The following NEGR1 variants were observed in gnomAD, a reference collection of about 807,000 sequenced individuals.
The protein encoded by NEGR1 is IgLON family member 4.
In NEGR1, 10 loss-of-function variants were observed where a neutral mutation model predicts 40.9. That is an observed-to-expected ratio of 0.24 (90% CI 0.15 to 0.42). The LOEUF (loss-of-function observed/expected upper bound fraction) is 0.42, where lower values mean the gene tolerates loss of function less well. Among genes scored for constraint, NEGR1 ranks in the 10% least tolerant of loss-of-function variants. The pLI, the probability that NEGR1 is intolerant of heterozygous loss-of-function variation, is 1.00. For synonymous variants in NEGR1, 185 were observed against 166.8 expected, an observed-to-expected ratio of 1.11 and a Z score of -0.84; for missense variants, 352 against 438.9, an observed-to-expected ratio of 0.80 and a Z score of 1.77.
intron 6 of NEGR1, among the ~76,000 whole-genome samples, chr1:71,549,173 C>G (rs537465769): frequency 2.6e-5 from 4 of 151,812 alleles, no homozygotes. Context: ...TTTGTCTAAC[C>G]TAGGCCTACA....
chr1:71,459,469 T>G (rs2101341303), intron 6 of NEGR1, among the ~76,000 whole-genome samples: 1 of 152,366 alleles, frequency 6.6e-6, no homozygotes, highest in Middle Eastern at 3.4e-3. Context: ...GCCCATCAAC[T>G]TGGGCTGGCA....
chr1:72,053,530 T>C (rs1647081922), intron 1 of NEGR1, among the ~76,000 whole-genome samples: 1 of 151,174 alleles, frequency 6.6e-6, no homozygotes. Flanking sequence ...AAATGACCTT[T>C]TATTTTTTTC....
intron 4 of NEGR1, among the ~76,000 whole-genome samples, chr1:71,644,428 T>C (rs1651464649): frequency 1.3e-5 from 2 of 152,004 alleles, no homozygotes; most frequent in South Asian, 2.1e-4. Context: ...TTTATTGTTT[T>C]CTAATATATC....
At chr1:72,250,836 A>C (rs552101151) in intron 1 of NEGR1, among the ~76,000 whole-genome samples, 1 of 152,332 alleles carries the variant, frequency 6.6e-6, no homozygotes, top group South Asian at 2.1e-4. Flanking sequence ...AGCAATCCGC[A>C]ATAGGGCTGT....
intron 1 of NEGR1, among the ~76,000 whole-genome samples, chr1:72,183,276 G>A (rs1207316895): frequency 2.0e-5 from 3 of 152,022 alleles, no homozygotes; most frequent in African/African-American, 7.2e-5. Flanking sequence ...ACTTTCCCAG[G>A]CTTCTTTAAG....
chr1:72,068,928 T>A (rs1647350690), intron 1 of NEGR1, among the ~76,000 whole-genome samples: 1 of 151,972 alleles, frequency 6.6e-6, no homozygotes, highest in African/African-American at 2.4e-5. Context: ...GAAGAAAAAA[T>A]TAAGGATATA....
intron 6 of NEGR1, among the ~76,000 whole-genome samples, chr1:71,478,507 T>C (rs533324372): frequency 6.6e-6 from 1 of 152,168 alleles, no homozygotes; most frequent in Admixed American, 6.6e-5. Flanking sequence ...TGGCCGTCTC[T>C]TTCTCCATTG....
chr1:72,003,569 T>C (rs1646576622), intron 1 of NEGR1, among the ~76,000 whole-genome samples: 1 of 152,058 alleles, frequency 6.6e-6, no homozygotes, highest in Non-Finnish European at 1.5e-5. Flanking sequence ...AAAAAAGCTC[T>C]AAATGGAGGA....
At chr1:71,740,978 G>T (rs1655195060) in intron 3 of NEGR1, among the ~76,000 whole-genome samples, 1 of 152,206 alleles carries the variant, frequency 6.6e-6, no homozygotes, top group African/African-American at 2.4e-5. Flanking sequence ...GCGACACCCT[G>T]CAGAGGTTGG....
chr1:72,088,467 C>T (rs546698701), intron 1 of NEGR1, among the ~76,000 whole-genome samples: 9 of 152,120 alleles, frequency 5.9e-5, no homozygotes, highest in Admixed American at 1.3e-4. Flanking sequence ...AAATAAAGAG[C>T]CTTATTCACC....
chr1:71,430,368 G>T (rs1430113093), intron 6 of NEGR1, among the ~76,000 whole-genome samples: 1 of 152,000 alleles, frequency 6.6e-6, no homozygotes, highest in African/African-American at 2.4e-5. Context: ...GCAATTCTCT[G>T]CTCTTTTGCT....
At chr1:71,468,039 A>G (rs1646758143) in intron 6 of NEGR1, among the ~76,000 whole-genome samples, 1 of 152,018 alleles carries the variant, frequency 6.6e-6, no homozygotes, top group South Asian at 2.1e-4. Flanking sequence ...GAGGCAGATA[A>G]AAGTAGATTC....
rs1650057028 is a variant in NEGR1 at position 71,605,789 on chromosome 1, T to C, written c.788+5237A>G. Among the ~76,000 whole-genome samples, 4 of 152,334 alleles carry C rather than the reference T, an allele frequency of 2.6e-5. No homozygotes were observed. The South Asian group carries it at 8.3e-4, about 32-fold the overall frequency. On this transcript the variant is annotated intron_variant, in intron 5 of 6. Coordinates refer to ENST00000357731, the MANE Select transcript of NEGR1 (RefSeq NM_173808.3). ...AGTAAAATTAAGCCCATTGATACTC[T>C]TCATTCCAGGTGTGCTGAAAGAAAC...
At chr1:71,759,473 A>AT (rs1201323519) in intron 3 of NEGR1, among the ~76,000 whole-genome samples, 1 of 147,216 alleles carries the variant, frequency 6.8e-6, no homozygotes, top group East Asian at 2.0e-4. Flanking sequence ...AACTTTTTGT[A>AT]TTTTTAGTAG....
At chr1:71,937,290 T>A (rs1645914805) in intron 1 of NEGR1, among the ~76,000 whole-genome samples, 1 of 152,196 alleles carries the variant, frequency 6.6e-6, no homozygotes, top group South Asian at 2.1e-4. Context: ...CATATTGTCA[T>A]TCTTAACAAT....
In NEGR1 at chr1:71,526,657, C is replaced by A. The variant is rs1238487470; in HGVS notation, c.940+66160G>T. Among the ~76,000 whole-genome samples, 3 of 151,492 alleles carry A rather than the reference C, an allele frequency of 2.0e-5. No individual in the cohort carries two copies. The South Asian group carries it at 6.2e-4, about 31-fold the overall frequency. ...AATTCTTGAATTAGTTCCATTCTCT[C>A]CTTCCTACTATCACTATCACATATG... On this transcript the variant is annotated intron_variant, in intron 6 of 6. Coordinates refer to ENST00000357731, the MANE Select transcript of NEGR1 (RefSeq NM_173808.3).
intron 6 of NEGR1, among the ~76,000 whole-genome samples, chr1:71,485,234 T>TTA (rs1553145525): frequency 6.0e-5 from 9 of 151,110 alleles, no homozygotes; most frequent in South Asian, 2.1e-4. Context: ...TATTTTTTTT[T>TTA]ATCATAAAAC....
intron 2 of NEGR1, 97 bp from the exon 3 acceptor site, chr1:71,776,394 AGGGTGAAATGTATATAT>A: frequency 1.4e-6 from 1 of 695,908 alleles, no homozygotes; most frequent in Non-Finnish European, 2.2e-6. Flanking sequence ...GAAAGGTATG[AGGGTGAAATGTATATAT>A]GGCCTATGGG....
intron 4 of NEGR1, among the ~76,000 whole-genome samples, chr1:71,630,151 C>T (rs919093060): frequency 1.3e-5 from 2 of 151,870 alleles, no homozygotes; most frequent in Admixed American, 1.3e-4. Context: ...ATTTATTGGA[C>T]TAAAAATCTT....
Sources: gnomAD v4.1 joint callset for allele counts (sites outside exome capture counted in the v4.1 genomes callset) on GRCh38, gnomAD v4.1.1 for gene constraint, MANE v1.5 for transcripts, NCBI Gene and HGNC (gene_info 2026-07-23, HGNC 2026-07-21) for gene names.